The following ZBTB20 variants were observed in gnomAD, a reference collection of about 807,000 sequenced individuals.
ZBTB20 encodes the protein zinc finger and BTB domain containing 20.
A neutral mutation model predicts 56.9 loss-of-function variants in ZBTB20; 9 were observed. The observed-to-expected ratio is 0.16, with a 90% CI of 0.10 to 0.28. ZBTB20 has a LOEUF of 0.28. Ranked by LOEUF, ZBTB20 falls within the 10% of genes least tolerant of loss-of-function variation. The probability of loss-of-function intolerance (pLI) is 1.00; values close to 1 mark genes in which losing one functional copy is unlikely to be tolerated. For synonymous variants in ZBTB20, 417 were observed against 420.7 expected (o/e 0.99, Z 0.11); for missense variants, 655 against 1,003.0 (o/e 0.65, Z 4.69).
intron 5 of ZBTB20, among the ~76,000 whole-genome samples, chr3:114,751,862 GT>G (rs1348750103): frequency 2.6e-5 from 4 of 152,106 alleles, no homozygotes; most frequent in Non-Finnish European, 4.4e-5. Context: ...CTTAATGTGT[GT>G]TGGAAAGATA....
intron 7 of ZBTB20, among the ~76,000 whole-genome samples, chr3:114,433,724 C>T (rs1445547059): frequency 6.6e-6 from 1 of 152,132 alleles, no homozygotes; most frequent in Non-Finnish European, 1.5e-5. Flanking sequence ...GACATATAAA[C>T]ATGCTCTAGT....
intron 5 of ZBTB20, among the ~76,000 whole-genome samples, chr3:114,756,031 C>G (rs866187913): frequency 2.0e-5 from 3 of 152,014 alleles, no homozygotes; most frequent in South Asian, 2.1e-4. Context: ...TATATCCTTT[C>G]CTTTATTGTT....
intron 2 of ZBTB20, among the ~76,000 whole-genome samples, chr3:115,001,098 A>G (rs2079229123): frequency 6.6e-6 from 1 of 151,338 alleles, no homozygotes; most frequent in African/African-American, 2.4e-5. Context: ...CAAAAAAAAA[A>G]AAAAACAAAT....
At chr3:114,878,419 C>T (rs1382323389) in intron 4 of ZBTB20, among the ~76,000 whole-genome samples, 1 of 152,004 alleles carries the variant, frequency 6.6e-6, no homozygotes, top group African/African-American at 2.4e-5. Context: ...TGGTTTTCAG[C>T]ATCTACTGGA....
At chr3:114,896,614 T>G (rs967123361) in intron 4 of ZBTB20, among the ~76,000 whole-genome samples, 1 of 151,874 alleles carries the variant, frequency 6.6e-6, no homozygotes, top group South Asian at 2.1e-4. Flanking sequence ...CAGAGGGAAA[T>G]GGGAAGTTAT....
intron 6 of ZBTB20, among the ~76,000 whole-genome samples, chr3:114,630,498 T>C (rs1255252837): frequency 1.3e-5 from 2 of 152,180 alleles, no homozygotes; most frequent in Non-Finnish European, 2.9e-5. Flanking sequence ...TGGTGGGTGC[T>C]AGGGGTAGCT....
intron 4 of ZBTB20, among the ~76,000 whole-genome samples, chr3:114,840,388 T>C (rs1375773326): frequency 6.6e-6 from 1 of 152,248 alleles, no homozygotes; most frequent in Non-Finnish European, 1.5e-5. Context: ...ATGTGGAAAC[T>C]AGTTGTACAA....
At chr3:114,506,422 C>T (rs144080664) in intron 6 of ZBTB20, among the ~76,000 whole-genome samples, 41 of 152,152 alleles carry the variant, frequency 2.7e-4, no homozygotes, top group Middle Eastern at 3.4e-3. Context: ...TTGATTCTTA[C>T]GGGGATAGGG....
At chr3:114,469,956 G>A (rs2039935252) in intron 7 of ZBTB20, among the ~76,000 whole-genome samples, 2 of 151,906 alleles carry the variant, frequency 1.3e-5, no homozygotes, top group Non-Finnish European at 2.9e-5. Context: ...TGGAACGAAG[G>A]TCAAAATTAC....
chr3:114,481,102 T>C (rs1005316202), intron 7 of ZBTB20, among the ~76,000 whole-genome samples: 3 of 152,134 alleles, frequency 2.0e-5, no homozygotes, highest in South Asian at 2.1e-4. Context: ...TGTTTCATTA[T>C]AGAAGTTTGG....
intron 4 of ZBTB20, among the ~76,000 whole-genome samples, chr3:114,823,186 C>T (rs1268798984): frequency 1.3e-5 from 2 of 152,070 alleles, no homozygotes; most frequent in Non-Finnish European, 2.9e-5. Flanking sequence ...CTGATTAACA[C>T]AGAGAATGAG....
At chr3:114,375,218 GT>G (rs1280150195) in intron 10 of ZBTB20, among the ~76,000 whole-genome samples, 2 of 152,150 alleles carry the variant, frequency 1.3e-5, no homozygotes, top group Non-Finnish European at 2.9e-5. Flanking sequence ...TTTCAGTAAA[GT>G]TTTTTATTTC....
intron 1 of ZBTB20, among the ~76,000 whole-genome samples, chr3:115,116,703 A>G (rs535714218): frequency 1.1e-4 from 16 of 152,136 alleles, no homozygotes; most frequent in African/African-American, 3.9e-4. Context: ...CAGGAAAGAG[A>G]GAAAGAGAAA....
At chr3:115,011,645 A>G (rs1481574372) in intron 2 of ZBTB20, among the ~76,000 whole-genome samples, 6 of 151,912 alleles carry the variant, frequency 3.9e-5, no homozygotes, top group Non-Finnish European at 7.4e-5. Flanking sequence ...CCTGTTCTAC[A>G]AGAAATGCTA....
At chr3:115,135,832 A>C (rs2084638678) in intron 1 of ZBTB20, among the ~76,000 whole-genome samples, 1 of 152,138 alleles carries the variant, frequency 6.6e-6, no homozygotes, top group Admixed American at 6.5e-5. Context: ...GACTTCTAAA[A>C]ACTCAGATAA....
At chr3:114,542,581 A>G (rs1440391097) in intron 6 of ZBTB20, among the ~76,000 whole-genome samples, 2 of 152,152 alleles carry the variant, frequency 1.3e-5, no homozygotes, top group African/African-American at 4.8e-5. Flanking sequence ...GTTGTGGGAG[A>G]AAGTGTTTTT....
At chr3:114,429,864 T>C (rs1322940580) in intron 7 of ZBTB20, among the ~76,000 whole-genome samples, 1 of 152,192 alleles carries the variant, frequency 6.6e-6, no homozygotes, top group African/African-American at 2.4e-5. Context: ...GCATGGGTTA[T>C]ATGCAAATAC....
chr3:115,052,370 T>C (rs1230036181), intron 2 of ZBTB20, among the ~76,000 whole-genome samples: 1 of 151,672 alleles, frequency 6.6e-6, no homozygotes, highest in Non-Finnish European at 1.5e-5. Context: ...GGCAGGAGAA[T>C]CGCTAGAACC....
At chr3:115,128,444 T>C (rs1452354478) in intron 1 of ZBTB20, among the ~76,000 whole-genome samples, 1 of 151,762 alleles carries the variant, frequency 6.6e-6, no homozygotes, top group Non-Finnish European at 1.5e-5. Flanking sequence ...CAGGTGGATC[T>C]TCTGAGGTCA....
Sources: allele counts gnomAD v4.1 joint callset (sites outside exome capture counted in the v4.1 genomes callset), GRCh38; gene constraint gnomAD v4.1.1; transcripts MANE v1.5; gene names NCBI Gene and HGNC (gene_info 2026-07-23, HGNC 2026-07-21).